The following ITGB6 variants were observed in gnomAD, a reference collection of about 807,000 sequenced individuals.
ITGB6 encodes the protein integrin subunit beta 6, also known as integrin beta-6.
In ITGB6, 80 loss-of-function variants were observed where a neutral mutation model predicts 84.5. The observed-to-expected ratio is 0.95, with a 90% CI of 0.79 to 1.14. ITGB6 has a LOEUF of 1.14. Among genes scored for constraint, ITGB6 ranks in the 50% most tolerant of loss-of-function variants. ITGB6 has a pLI of 0.00. For synonymous variants in ITGB6, 383 were observed against 354.9 expected, an observed-to-expected ratio of 1.08 and a Z score of -0.89; for missense variants, 1,006 against 968.0, an observed-to-expected ratio of 1.04 and a Z score of -0.52.
intron 5 of ITGB6, among the ~76,000 whole-genome samples, chr2:160,173,651 C>A (rs987975140): frequency 2.6e-5 from 4 of 151,840 alleles, no homozygotes; most frequent in African/African-American, 7.3e-5. Context: ...AATGTTCTAC[C>A]CTTGATTTTT....
intron 10 of ITGB6, among the ~76,000 whole-genome samples, chr2:160,134,081 A>G (rs1006353137): frequency 4.9e-4 from 75 of 152,352 alleles, no homozygotes; most frequent in African/African-American, 1.8e-3. Context: ...AAACAGAGAC[A>G]CATAAAACCC....
At chr2:160,107,077 A>C (rs964032495) in intron 14 of ITGB6, among the ~76,000 whole-genome samples, 1 of 152,212 alleles carries the variant, frequency 6.6e-6, no homozygotes, top group Admixed American at 6.5e-5. Context: ...AAGAGAAGGC[A>C]GTTAAATTAT....
chr2:160,138,334 A>C, intron 8 of ITGB6, 135 bp from the exon 9 acceptor site: 4 of 759,668 alleles, frequency 5.3e-6, no homozygotes, highest in Non-Finnish European at 8.2e-6. Flanking sequence ...TCAGTATATC[A>C]TCAATCAAAA....
intron 14 of ITGB6, among the ~76,000 whole-genome samples, chr2:160,105,072 G>A (rs1448267706): frequency 6.6e-6 from 1 of 152,134 alleles, no homozygotes; most frequent in Non-Finnish European, 1.5e-5. Flanking sequence ...TGCAGTGAGC[G>A]ACATTTTTTT....
chr2:160,128,719 G>A (rs1437822520), intron 10 of ITGB6, among the ~76,000 whole-genome samples: 1 of 152,142 alleles, frequency 6.6e-6, no homozygotes, highest in African/African-American at 2.4e-5. Context: ...GCAGCCAGAT[G>A]GATGATGTGG....
chr2:160,157,347 C>A (rs973439953), intron 7 of ITGB6, among the ~76,000 whole-genome samples: 3 of 152,094 alleles, frequency 2.0e-5, no homozygotes, highest in East Asian at 3.9e-4. Context: ...CACTAGGGTT[C>A]TTTTGATTTC....
intron 8 of ITGB6, 50 bp from the exon 9 acceptor site, chr2:160,138,249 A>G: frequency 6.6e-7 from 1 of 1,508,624 alleles, no homozygotes; most frequent in East Asian, 2.3e-5. Context: ...CCAAAAATAT[A>G]GCCAGAAGAA....
At chr2:160,199,641 A>C (rs1686478908) in intron 1 of ITGB6, among the ~76,000 whole-genome samples, 1 of 152,186 alleles carries the variant, frequency 6.6e-6, no homozygotes, top group Admixed American at 6.5e-5. Flanking sequence ...TCTGTTTTTG[A>C]AATAAATCCT....
At chr2:160,128,274 C>CA (rs11464202) in intron 10 of ITGB6, among the ~76,000 whole-genome samples, 93,074 of 138,148 alleles carry the variant, frequency 0.67, 30,343 homozygotes, top group Admixed American at 0.74. Flanking sequence ...GTAGACAATA[C>CA]AAAAAAAAAA....
chr2:160,101,625 C>G lies in ITGB6; in HGVS notation c.*111G>C, dbSNP rs1696722034. The G allele has an allele frequency of 2.9e-6, 2 of 696,280 alleles. No homozygotes were observed. Among genetic ancestry groups the G allele is most frequent in the Non-Finnish European group, 5.2e-6 (2 of 386,836 alleles). The allele number at this position is 696,280 out of a possible 1,614,324, so 43.1% of individuals were successfully genotyped here. A position where few individuals can be genotyped will look rare whatever the true frequency, so the allele number is the denominator to read the frequency against. On this transcript the variant is annotated 3_prime_UTR_variant, in exon 15 of 15. Coordinates refer to ENST00000283249, the MANE Select transcript of ITGB6 (RefSeq NM_000888.5). ...AGAGGATGACTTATCTGCAGATGTC[C>G]TATTATTATCTTAAACCAACCTCAT...
chr2:160,163,735 A>G (rs376798584), intron 7 of ITGB6, among the ~76,000 whole-genome samples: 48 of 152,284 alleles, frequency 3.2e-4, no homozygotes, highest in African/African-American at 1.1e-3. Context: ...CAGTGATTCA[A>G]TTGTGAGTTA....
intron 12 of ITGB6, among the ~76,000 whole-genome samples, chr2:160,122,012 A>G (rs1374850582): frequency 1.3e-5 from 2 of 152,008 alleles, no homozygotes; most frequent in Non-Finnish European, 2.9e-5. Flanking sequence ...TAGTATGATC[A>G]GTAACATAAC....
intron 7 of ITGB6, among the ~76,000 whole-genome samples, chr2:160,150,492 A>C (rs986502222): frequency 6.6e-6 from 1 of 152,232 alleles, no homozygotes; most frequent in South Asian, 2.1e-4. Flanking sequence ...GGTACTAGCC[A>C]CTGCAAAAAC....
chr2:160,185,520 T>A (rs1238602013), intron 4 of ITGB6, among the ~76,000 whole-genome samples: 9 of 152,158 alleles, frequency 5.9e-5, no homozygotes, highest in Non-Finnish European at 1.5e-5. Context: ...ATAGGAAGAA[T>A]CAATATTGTG....
chr2:160,141,994 G>C lies in ITGB6; in HGVS notation c.1095C>G (p.Ile365Met). 6.3e-7 allele frequency: 1 copy of C among 1,597,450 alleles called. No individual in the cohort carries two copies. Among genetic ancestry groups the C allele is most frequent in the South Asian group, 1.1e-5 (1 of 89,398 alleles). Residue 365 changes from isoleucine to methionine, a missense_variant, in exon 8 of 15, where the codon ATC becomes ATG. Coordinates refer to ENST00000283249, the MANE Select transcript of ITGB6 (RefSeq NM_000888.5). ...KDSGNILQLI[I>M]SAYEELRSEV... ...TAAAATATCCTACTTCATAAGCTGA[G>C]ATGATCAGCTGGAGAATGTTTCCGG... is the stretch of plus-strand genomic sequence containing the variant.
In ITGB6 at chr2:160,100,325, C is replaced by G. The variant is rs1159157797; in HGVS notation, c.*1411G>C. The G allele has an allele frequency of 4.6e-5, 7 of 152,216 alleles. No individual in the cohort carries two copies. Among genetic ancestry groups the G allele is most frequent in the Non-Finnish European group, 8.8e-5 (6 of 68,040 alleles). 9.4% of individuals were successfully genotyped at this position (152,216 alleles called of 1,614,324 possible). On this transcript the variant is annotated 3_prime_UTR_variant, in exon 15 of 15. Coordinates refer to ENST00000283249, the MANE Select transcript of ITGB6 (RefSeq NM_000888.5). ...AGGTAATAAACATTGCACAAAAGTA[C>G]AATATCTCATCTATATGCCAGCAGT...
At chr2:160,136,120 C>A (rs1350006987) in intron 10 of ITGB6, among the ~76,000 whole-genome samples, 1 of 152,108 alleles carries the variant, frequency 6.6e-6, no homozygotes, top group East Asian at 1.9e-4. Context: ...AACAGGCAAC[C>A]TACAGAATGG....
chr2:160,110,209 C>T (rs1033494476), intron 13 of ITGB6, among the ~76,000 whole-genome samples: 7 of 152,054 alleles, frequency 4.6e-5, no homozygotes, highest in Non-Finnish European at 4.4e-5. Context: ...AGCTCTGGCA[C>T]GTAATTACTG....
chr2:160,139,238 T>C (rs1559140612), intron 8 of ITGB6, among the ~76,000 whole-genome samples: 1 of 152,234 alleles, frequency 6.6e-6, no homozygotes, highest in Non-Finnish European at 1.5e-5. Flanking sequence ...TGAATTAATT[T>C]ACACTTCAGT....
Sources: allele counts gnomAD v4.1 joint callset (sites outside exome capture counted in the v4.1 genomes callset), GRCh38; gene constraint gnomAD v4.1.1; transcripts MANE v1.5; gene names NCBI Gene and HGNC (gene_info 2026-07-23, HGNC 2026-07-21).